The following POU2F2 variants were observed in gnomAD, a reference collection of about 807,000 sequenced individuals.
The protein encoded by POU2F2 is POU class 2 homeobox 2.
Under a neutral mutation model 63.5 loss-of-function variants are expected in POU2F2, and 14 were observed. The ratio of observed to expected loss-of-function variants is 0.22; its 90% CI spans 0.15 to 0.34. The LOEUF (loss-of-function observed/expected upper bound fraction) is 0.34. Ranked by LOEUF, POU2F2 falls within the 10% of genes least tolerant of loss-of-function variation. POU2F2 has a pLI of 1.00. For synonymous variants in POU2F2, 306 were observed against 348.6 expected, an observed-to-expected ratio of 0.88 and a Z score of 1.36; for missense variants, 607 against 815.2, an observed-to-expected ratio of 0.74 and a Z score of 3.11.
chr19:42,136,525 C>T (rs1291751757), upstream of POU2F2: 1 of 152,158 alleles, frequency 6.6e-6, no homozygotes, highest in Non-Finnish European at 1.5e-5. Flanking sequence ...ATTTCTAAGT[C>T]CTCATGACAG....
At chr19:42,168,144 C>T (rs948681479) in intron 1 of POU2F2, among the ~76,000 whole-genome samples, 3 of 152,186 alleles carry the variant, frequency 2.0e-5, no homozygotes, top group Admixed American at 2.0e-4. Context: ...ACCTCCCTCA[C>T]CAGACCTTGG....
intron 5 of POU2F2, among the ~76,000 whole-genome samples, chr19:42,113,359 C>A (rs1204550962): frequency 6.6e-6 from 1 of 152,130 alleles, no homozygotes; most frequent in Non-Finnish European, 1.5e-5. Flanking sequence ...ATCCACACAG[C>A]CCCCTCGGCA....
intron 1 of POU2F2, among the ~76,000 whole-genome samples, chr19:42,186,050 C>T (rs1221296921): frequency 2.0e-5 from 3 of 152,058 alleles, no homozygotes; most frequent in Admixed American, 6.6e-5. Flanking sequence ...CAACTACACC[C>T]GGCATTTTCT....
chr19:42,194,350 C>T (rs1020045605), intron 1 of POU2F2, among the ~76,000 whole-genome samples: 2 of 151,618 alleles, frequency 1.3e-5, no homozygotes, highest in African/African-American at 4.9e-5. Context: ...CCACTGCACT[C>T]CATTCTGGGT....
intron 1 of POU2F2, among the ~76,000 whole-genome samples, chr19:42,190,425 GGTAA>G (rs1430097945): frequency 1.3e-5 from 2 of 151,946 alleles, no homozygotes; most frequent in South Asian, 2.1e-4. Context: ...AAGGGAGAAG[GGTAA>G]GTGAGAGAGG....
chr19:42,089,251 G>C lies in POU2F2; in HGVS notation c.*2006C>G, dbSNP rs546485675. Reference sequence around the variant, plus strand: ...GAGAGAGGAGACAGGAAGGAGGAGAGGAGAGAGGAAGGAGGGGAGGAGAGA... The same window carrying C: ...GAGAGAGGAGACAGGAAGGAGGAGACGAGAGAGGAAGGAGGGGAGGAGAGA... On this transcript the variant is annotated 3_prime_UTR_variant, in exon 15 of 15. Coordinates refer to ENST00000692977, the MANE Select transcript of POU2F2 (RefSeq NM_001394376.1). 6.6e-6 allele frequency: 1 copy of C among 152,562 alleles called. No individual in the cohort carries two copies. The highest frequency in any genetic ancestry group is 2.1e-4 in the South Asian group (1 of 4,796). The allele number at this position is 152,562 out of a possible 1,614,324, so 9.5% of individuals were successfully genotyped here. A position where few individuals can be genotyped will look rare whatever the true frequency, so the allele number is the denominator to read the frequency against.
At chr19:42,154,462 G>A (rs2034419951) in intron 2 of POU2F2, among the ~76,000 whole-genome samples, 1 of 152,108 alleles carries the variant, frequency 6.6e-6, no homozygotes, top group South Asian at 2.1e-4. Context: ...ACAGTGACTG[G>A]AGAGACGGAG....
intron 1 of POU2F2, 42 bp from the exon 2 acceptor site, chr19:42,122,618 A>C (rs1464218805): frequency 6.8e-7 from 1 of 1,477,532 alleles, no homozygotes; most frequent in African/African-American, 1.4e-5. Flanking sequence ...AAGGAGGGGA[A>C]TCCAGGAGGG....
At chr19:42,157,183 G>A (rs574173944) in intron 2 of POU2F2, 24 of 152,372 alleles carry the variant, frequency 1.6e-4, no homozygotes, top group African/African-American at 4.6e-4. Flanking sequence ...GTCCCCAATA[G>A]TGAGTAGGAG....
chr19:42,180,880 C>T (rs1412693321), upstream of POU2F2, among the ~76,000 whole-genome samples: 3 of 150,998 alleles, frequency 2.0e-5, no homozygotes, highest in Non-Finnish European at 4.4e-5. Context: ...AGGCATGCAC[C>T]ACCACACCCA....
At chr19:42,118,250 A>G (rs2032172640) in intron 4 of POU2F2, among the ~76,000 whole-genome samples, 1 of 152,192 alleles carries the variant, frequency 6.6e-6, no homozygotes, top group Admixed American at 6.5e-5. Context: ...TTGTCCAATG[A>G]AGTAAGACTT....
At chr19:42,164,854 C>T (rs1599699332) in intron 1 of POU2F2, among the ~76,000 whole-genome samples, 1 of 150,982 alleles carries the variant, frequency 6.6e-6, no homozygotes, top group East Asian at 2.0e-4. Context: ...CTCAGCTACT[C>T]GGGAGGCTGA....
intron 1 of POU2F2, among the ~76,000 whole-genome samples, chr19:42,182,076 T>C (rs768604882): frequency 1.1e-4 from 17 of 151,720 alleles, no homozygotes; most frequent in Non-Finnish European, 2.2e-4. Flanking sequence ...GGGAAGAAAC[T>C]GGGGAGAAGG....
chr19:42,172,660 C>A (rs966064150), intron 1 of POU2F2, among the ~76,000 whole-genome samples: 1 of 152,198 alleles, frequency 6.6e-6, no homozygotes, highest in East Asian at 1.9e-4. Context: ...TAAGCTCATG[C>A]AAACCCCTGT....
At chr19:42,150,770 T>A (rs1041326348) in intron 2 of POU2F2, among the ~76,000 whole-genome samples, 2 of 151,770 alleles carry the variant, frequency 1.3e-5, no homozygotes, top group Non-Finnish European at 2.9e-5. Flanking sequence ...TAATTTTTTT[T>A]AAAACTCGCT....
At chr19:42,135,659 A>T (rs548035200), upstream of POU2F2, among the ~76,000 whole-genome samples, 16 of 151,178 alleles carry the variant, frequency 1.1e-4, no homozygotes, top group South Asian at 3.1e-3. Flanking sequence ...TTCCCCTTTT[A>T]AAAAAAATTA....
Position 42,140,310 on chromosome 19 carries a change from C to G in POU2F2, c.-8-17734G>C, listed in dbSNP as rs555840030. Among the ~76,000 whole-genome samples the G allele has an allele frequency of 3.3e-5, 5 of 152,308 alleles. No individual in the cohort carries two copies. The East Asian group carries it at 7.7e-4, about 23-fold the overall frequency. ...GCACCAACTCTGCAGGCTCAGAGGC[C>G]GCCGCTGTCATCCCAGCGCAGGGAG... is the stretch of plus-strand genomic sequence containing the variant. On this transcript the variant is annotated intron_variant, in intron 2 of 6. Transcript: ENST00000524801.
intron 2 of POU2F2, among the ~76,000 whole-genome samples, chr19:42,143,513 T>C (rs2034170396): frequency 6.6e-6 from 1 of 151,996 alleles, no homozygotes; most frequent in Admixed American, 6.6e-5. Flanking sequence ...CAGTAGGGAG[T>C]GCCCATCACG....
chr19:42,178,656 A>T (rs2034925308), upstream of POU2F2, among the ~76,000 whole-genome samples: 1 of 152,242 alleles, frequency 6.6e-6, no homozygotes, highest in African/African-American at 2.4e-5. Context: ...ACTGAGACAG[A>T]GAAAAAGGCA....
Sources: allele counts gnomAD v4.1 joint callset (sites outside exome capture counted in the v4.1 genomes callset), GRCh38; gene constraint gnomAD v4.1.1; transcripts MANE v1.5; gene names NCBI Gene and HGNC (gene_info 2026-07-23, HGNC 2026-07-21).